The following SLC24A3 variants were observed in gnomAD, a reference collection of about 807,000 sequenced individuals.
SLC24A3 encodes the protein solute carrier family 24 member 3, also known as sodium/potassium/calcium exchanger 3.
A neutral mutation model predicts 75.8 loss-of-function variants in SLC24A3; 28 were observed. That is an observed-to-expected ratio of 0.37 (90% CI 0.27 to 0.51). The LOEUF is 0.51. SLC24A3 is among the 20% of genes least tolerant of loss of function. The pLI is 0.94. For synonymous variants in SLC24A3, 372 were observed against 334.1 expected, an observed-to-expected ratio of 1.11 and a Z score of -1.24; for missense variants, 663 against 847.8, an observed-to-expected ratio of 0.78 and a Z score of 2.71.
At chr20:19,562,830 G>A (rs1396644440) in intron 3 of SLC24A3, among the ~76,000 whole-genome samples, 9 of 149,844 alleles carry the variant, frequency 6.0e-5, no homozygotes, top group South Asian at 2.1e-4. Context: ...GCCCATCACC[G>A]CTAATGAGAA....
chr20:19,658,332 T>C (rs999241201), intron 7 of SLC24A3, among the ~76,000 whole-genome samples: 5 of 152,126 alleles, frequency 3.3e-5, no homozygotes, highest in Non-Finnish European at 7.3e-5. Flanking sequence ...TGTCAGCTGA[T>C]GCGGGCGGGG....
chr20:19,672,385 C>T (rs975394504), intron 8 of SLC24A3, among the ~76,000 whole-genome samples: 15 of 152,032 alleles, frequency 9.9e-5, no homozygotes, highest in African/African-American at 3.6e-4. Flanking sequence ...CCCAGGCTGT[C>T]GTGCAGTGGT....
intron 3 of SLC24A3, among the ~76,000 whole-genome samples, chr20:19,542,753 C>T (rs771508473): frequency 6.6e-6 from 1 of 152,122 alleles, no homozygotes; most frequent in Non-Finnish European, 1.5e-5. Flanking sequence ...AGGAAGGGAT[C>T]GGAGAGCCCC....
intron 2 of SLC24A3, among the ~76,000 whole-genome samples, chr20:19,406,648 G>C (rs912853328): frequency 6.6e-6 from 1 of 152,164 alleles, no homozygotes; most frequent in Non-Finnish European, 1.5e-5. Flanking sequence ...TGAGCTACAG[G>C]AGACTGGCAG....
chr20:19,517,393 G>T (rs1173426559), intron 3 of SLC24A3, among the ~76,000 whole-genome samples: 1 of 152,186 alleles, frequency 6.6e-6, no homozygotes, highest in Admixed American at 6.5e-5. Flanking sequence ...GACTCACTGA[G>T]TCATCAGCTG....
chr20:19,709,007 G>A (rs1442664211), intron 15 of SLC24A3, among the ~76,000 whole-genome samples: 1 of 152,168 alleles, frequency 6.6e-6, no homozygotes, highest in Non-Finnish European at 1.5e-5. Context: ...AGTTTATTGA[G>A]GGGGAGCAGT....
At chr20:19,586,506 G>A (rs6112477) in intron 6 of SLC24A3, among the ~76,000 whole-genome samples, 69 of 152,130 alleles carry the variant, frequency 4.5e-4, no homozygotes, top group Non-Finnish European at 7.1e-4. Flanking sequence ...AGGGGGCTAA[G>A]GAAAGCCCCG....
intron 6 of SLC24A3, among the ~76,000 whole-genome samples, chr20:19,628,881 T>C (rs1217954699): frequency 6.6e-6 from 1 of 152,172 alleles, no homozygotes; most frequent in African/African-American, 2.4e-5. Flanking sequence ...ATGTTCCCTG[T>C]CTGAAGACAG....
At position 19,721,280 on chromosome 20, in the gene SLC24A3, T is replaced by C. The variant is rs2033102529; in HGVS notation, c.*140T>C. 3 of 1,118,820 alleles carry C rather than the reference T, an allele frequency of 2.7e-6. No homozygotes were observed. The highest frequency in any genetic ancestry group is 2.4e-5 in the Admixed American group (1 of 41,016). The allele number at this position is 1,118,820 out of a possible 1,614,324, so 69.3% of individuals were successfully genotyped here. Reference sequence around the variant, plus strand: ...CCTCAGGCCTCCGCTCCTGTTTTGGTGGCCCAGGCTCTCCCCTGACCCATC... The same window carrying C: ...CCTCAGGCCTCCGCTCCTGTTTTGGCGGCCCAGGCTCTCCCCTGACCCATC... On this transcript the variant is annotated 3_prime_UTR_variant, in exon 17 of 17. Coordinates refer to ENST00000328041, the MANE Select transcript of SLC24A3 (RefSeq NM_020689.4).
chr20:19,678,879 C>T (rs1286292005), intron 9 of SLC24A3, among the ~76,000 whole-genome samples: 1 of 151,824 alleles, frequency 6.6e-6, no homozygotes, highest in Non-Finnish European at 1.5e-5. Flanking sequence ...CGCGGCCGGG[C>T]AGAGGCTCTC....
intron 2 of SLC24A3, among the ~76,000 whole-genome samples, chr20:19,465,930 A>T (rs1987758016): frequency 1.3e-5 from 2 of 152,140 alleles, no homozygotes; most frequent in Admixed American, 1.3e-4. Flanking sequence ...ACATCTTTTA[A>T]AGCCCTCTAG....
intron 2 of SLC24A3, among the ~76,000 whole-genome samples, chr20:19,303,612 C>T (rs1310048286): frequency 6.6e-6 from 1 of 152,158 alleles, no homozygotes; most frequent in Non-Finnish European, 1.5e-5. Context: ...GTCTTTCTCA[C>T]TGTATCAGTT....
rs534927357 is a variant in SLC24A3 at position 19,602,043 on chromosome 20, G to A, written c.612+16499G>A. ...CAAAAATTAGCTGGGTGTGGCTGGCGGGTGCCTGTAACCCCAGCAACTTGG... is the reference window on the plus strand; with the variant it reads ...CAAAAATTAGCTGGGTGTGGCTGGCAGGTGCCTGTAACCCCAGCAACTTGG... On this transcript the variant is annotated intron_variant, in intron 6 of 16. Transcript: ENST00000328041. Among the ~76,000 whole-genome samples, 11 of 152,068 alleles carry A rather than the reference G, an allele frequency of 7.2e-5. No individual in the cohort carries two copies. The South Asian group carries it at 1.5e-3, about 20-fold the overall frequency.
chr20:19,486,186 C>T (rs1988124612), intron 2 of SLC24A3, among the ~76,000 whole-genome samples: 1 of 152,106 alleles, frequency 6.6e-6, no homozygotes, highest in African/African-American at 2.4e-5. Context: ...CCCTTCTAGT[C>T]CATGGTACTA....
intron 11 of SLC24A3, 25 bp downstream of exon 11, chr20:19,684,361 G>C (rs951240461): frequency 6.2e-7 from 1 of 1,605,828 alleles, no homozygotes; most frequent in Non-Finnish European, 8.5e-7. Context: ...ACTGTCCACT[G>C]CCCACTGGAC....
chr20:19,583,384 C>T (rs1254529457), intron 4 of SLC24A3, among the ~76,000 whole-genome samples: 4 of 152,132 alleles, frequency 2.6e-5, no homozygotes, highest in Non-Finnish European at 5.9e-5. Flanking sequence ...TTTGCACCAG[C>T]ATACAGGGAG....
chr20:19,262,232 T>A (rs1600398636), intron 1 of SLC24A3, among the ~76,000 whole-genome samples: 1 of 149,904 alleles, frequency 6.7e-6, no homozygotes, highest in East Asian at 2.0e-4. Flanking sequence ...TGAAACCCCG[T>A]CTCTACTAAA....
chr20:19,556,396 T>A (rs2030784194), intron 3 of SLC24A3, among the ~76,000 whole-genome samples: 1 of 152,124 alleles, frequency 6.6e-6, no homozygotes. Context: ...TAAATTGTCC[T>A]CTCTCCCACC....
chr20:19,441,553 G>A (rs1987299530), intron 2 of SLC24A3, among the ~76,000 whole-genome samples: 1 of 152,150 alleles, frequency 6.6e-6, no homozygotes, highest in South Asian at 2.1e-4. Context: ...TTACAGAAAA[G>A]TGAGTGGAAA....
Sources: allele counts gnomAD v4.1 joint callset (sites outside exome capture counted in the v4.1 genomes callset), GRCh38; gene constraint gnomAD v4.1.1; transcripts MANE v1.5; gene names NCBI Gene and HGNC (gene_info 2026-07-23, HGNC 2026-07-21).